The following PPFIBP1 variants were observed in gnomAD, a reference collection of about 807,000 sequenced individuals.
PPFIBP1 encodes the protein liprin-beta-1.
Under a neutral mutation model 137.8 loss-of-function variants are expected in PPFIBP1, and 112 were observed. The observed-to-expected ratio is 0.81, with a 90% CI of 0.70 to 0.95. The LOEUF is 0.95. Ranked by LOEUF, PPFIBP1 falls within the 40% of genes least tolerant of loss-of-function variation. The pLI, the probability that PPFIBP1 is intolerant of heterozygous loss-of-function variation, is 0.00. For synonymous variants in PPFIBP1, 378 were observed against 417.3 expected, an observed-to-expected ratio of 0.91 and a Z score of 1.15; for missense variants, 1,083 against 1,196.6, an observed-to-expected ratio of 0.91 and a Z score of 1.40.
intron 2 of PPFIBP1, among the ~76,000 whole-genome samples, chr12:27,606,428 C>T (rs1249285329): frequency 6.6e-6 from 1 of 152,150 alleles, no homozygotes; most frequent in Non-Finnish European, 1.5e-5. Flanking sequence ...AGCTCTACGA[C>T]TGTGTGTTAG....
intron 1 of PPFIBP1, among the ~76,000 whole-genome samples, chr12:27,562,047 T>C (rs1195936192): frequency 6.6e-6 from 1 of 152,064 alleles, no homozygotes; most frequent in Non-Finnish European, 1.5e-5. Context: ...TACCCTGTCT[T>C]AATCAAATAG....
At chr12:27,569,624 C>T (rs1224099523) in intron 1 of PPFIBP1, among the ~76,000 whole-genome samples, 2 of 152,132 alleles carry the variant, frequency 1.3e-5, no homozygotes, top group Admixed American at 6.5e-5. Context: ...GGTACAATCT[C>T]GGCTAACTGC....
intron 14 of PPFIBP1, among the ~76,000 whole-genome samples, 169 bp downstream of exon 14, chr12:27,671,715 T>C (rs1165908176): frequency 6.6e-6 from 1 of 152,136 alleles, no homozygotes; most frequent in Non-Finnish European, 1.5e-5. Context: ...AAATAAAAGG[T>C]GTGAAGCAGG....
intron 1 of PPFIBP1, among the ~76,000 whole-genome samples, chr12:27,545,738 C>CA (rs1293589820): frequency 2.6e-5 from 4 of 152,192 alleles, no homozygotes; most frequent in Admixed American, 6.5e-5. Flanking sequence ...CCAAGTGCCT[C>CA]AAATAACAGT....
intron 24 of PPFIBP1, 30 bp downstream of exon 24, chr12:27,682,733 A>G (rs1301319083): frequency 1.2e-6 from 2 of 1,612,650 alleles, no homozygotes; most frequent in Non-Finnish European, 1.7e-6. Flanking sequence ...GGTTTGGGGG[A>G]GGAAAACTTT....
chr12:27,578,743 T>A (rs1744587650), intron 2 of PPFIBP1, among the ~76,000 whole-genome samples: 2 of 152,244 alleles, frequency 1.3e-5, no homozygotes, highest in Non-Finnish European at 2.9e-5. Flanking sequence ...TTCTACCAAG[T>A]GACAGGCATT....
chr12:27,602,172 C>T (rs1414338587), intron 2 of PPFIBP1, among the ~76,000 whole-genome samples: 1 of 152,098 alleles, frequency 6.6e-6, no homozygotes, highest in Admixed American at 6.5e-5. Flanking sequence ...CAGGATTGGG[C>T]TAACTTTCTT....
chr12:27,586,411 T>A lies in PPFIBP1; in HGVS notation c.-36+8172T>A, dbSNP rs115534874. On this transcript the variant is annotated intron_variant, in intron 2 of 29. Coordinates refer to ENST00000228425, the MANE Select transcript of PPFIBP1 (RefSeq NM_003622.4). ...CATGCTTAAAAATGTTAATAAAGAC[T>A]ATATAGGGCAGGCATGGCAGCTCAG... Among the ~76,000 whole-genome samples, 1,157 of 152,272 alleles carry A rather than the reference T, an allele frequency of 7.6e-3. 13 individuals carry two copies. The highest frequency in any genetic ancestry group is 0.026 in the African/African-American group (1,098 of 41,522).
chr12:27,583,661 T>A (rs1359612533), intron 2 of PPFIBP1, among the ~76,000 whole-genome samples: 2 of 152,130 alleles, frequency 1.3e-5, no homozygotes, highest in Non-Finnish European at 2.9e-5. Flanking sequence ...AGTATTAGAC[T>A]TCTCATAAGG....
At chr12:27,556,850 C>A (rs980163009) in intron 1 of PPFIBP1, among the ~76,000 whole-genome samples, 12 of 151,870 alleles carry the variant, frequency 7.9e-5, no homozygotes, top group Non-Finnish European at 1.6e-4. Flanking sequence ...TAGGCCTGTA[C>A]TTTTAAGGGG....
chr12:27,678,854 CTCAAAA>C (rs1256361902), intron 19 of PPFIBP1, among the ~76,000 whole-genome samples: 1 of 14,138 alleles, frequency 7.1e-5, no homozygotes, highest in Non-Finnish European at 1.2e-4. Context: ...GAGACTCTGT[CTCAAAA>C]AAAAAAAAAA....
At chr12:27,622,311 A>G (rs2056418356) in intron 2 of PPFIBP1, among the ~76,000 whole-genome samples, 2 of 152,194 alleles carry the variant, frequency 1.3e-5, no homozygotes, top group Admixed American at 1.3e-4. Context: ...GGGAAAGACC[A>G]TTTTGTTTTT....
At chr12:27,671,691 G>C (rs539059113) in intron 14 of PPFIBP1, 145 bp downstream of exon 14, 186 of 532,438 alleles carry the variant, frequency 3.5e-4, no homozygotes, top group Non-Finnish European at 5.4e-4. Flanking sequence ...TCTGTAATCA[G>C]TTCTGTATTA....
At chr12:27,679,414 C>A (rs11049093) in intron 19 of PPFIBP1, 75 bp from the exon 20 acceptor site, 199,613 of 1,420,956 alleles carry the variant, frequency 0.14, 14,956 homozygotes, top group Non-Finnish European at 0.15. Flanking sequence ...CTTAACAGTT[C>A]TAGAACCAAG....
chr12:27,689,132 G>T lies in PPFIBP1; in HGVS notation c.2614G>T (p.Ala872Ser). The part of the protein sequence containing the change: ...THFNLLIGAE[A>S]QHQKRDAMEL... The stretch of plus-strand genomic sequence containing the variant: ...TTTCAACCTTCTGATTGGGGCTGAG[G>T]CACAGCACCAGAAGCGAGATGCCAT... Residue 872 changes from alanine to serine, a missense_variant, in exon 27 of 30, where the codon GCA becomes TCA. Physicochemically the swap from Ala to Ser is moderately conservative, Grantham distance 99. Transcript: ENST00000228425. 1 of 1,600,942 alleles carries T rather than the reference G, an allele frequency of 6.2e-7. No individual in the cohort carries two copies. Among genetic ancestry groups the T allele is most frequent in the Non-Finnish European group, 8.5e-7 (1 of 1,176,754 alleles).
At chr12:27,606,866 G>A (rs1312660006) in intron 2 of PPFIBP1, among the ~76,000 whole-genome samples, 3 of 152,100 alleles carry the variant, frequency 2.0e-5, no homozygotes, top group African/African-American at 4.8e-5. Context: ...AGTTTAGTTC[G>A]GTGCTCTGTT....
At chr12:27,599,704 T>C (rs966157264) in intron 2 of PPFIBP1, among the ~76,000 whole-genome samples, 3 of 152,212 alleles carry the variant, frequency 2.0e-5, no homozygotes, top group African/African-American at 7.2e-5. Flanking sequence ...GAACCTGTGA[T>C]GGGATGCACT....
chr12:27,684,082 T>C (rs148805697), intron 24 of PPFIBP1, among the ~76,000 whole-genome samples: 11,090 of 139,492 alleles, frequency 0.08, 1,317 homozygotes, highest in African/African-American at 0.27. Flanking sequence ...CCACCGAGCC[T>C]GGCCTTGTTC....
chr12:27,531,931 A>T (rs576142551), intron 1 of PPFIBP1, among the ~76,000 whole-genome samples: 193 of 151,962 alleles, frequency 1.3e-3, no homozygotes, highest in African/African-American at 4.4e-3. Flanking sequence ...AAGGGCGGGG[A>T]CTCCAGAGTC....
Sources: allele counts gnomAD v4.1 joint callset (sites outside exome capture counted in the v4.1 genomes callset), GRCh38; gene constraint gnomAD v4.1.1; transcripts MANE v1.5; gene names NCBI Gene and HGNC (gene_info 2026-07-23, HGNC 2026-07-21).